The following PTPN2 variants were observed in gnomAD, a reference collection of about 807,000 sequenced individuals.
PTPN2 encodes the protein protein tyrosine phosphatase non-receptor type 2, also known as tyrosine-protein phosphatase non-receptor type 2.
PTPN2 carries 19 observed loss-of-function variants against 57.3 expected under a neutral mutation model. The ratio of observed to expected loss-of-function variants is 0.33; its 90% CI spans 0.23 to 0.49. The LOEUF (loss-of-function observed/expected upper bound fraction) is 0.49. PTPN2 is among the 20% of genes least tolerant of loss of function. The pLI is 0.99. For missense variants in PTPN2, 358 were observed against 501.1 expected (o/e 0.71, Z 2.73); for synonymous variants, 153 against 164.9 (o/e 0.93, Z 0.55).
At chr18:12,870,723 A>T (rs1049139584) in intron 1 of PTPN2, among the ~76,000 whole-genome samples, 2 of 151,282 alleles carry the variant, frequency 1.3e-5, no homozygotes, top group Admixed American at 1.3e-4. Context: ...GTTAGCCAGG[A>T]TGGTCTCGAT....
At chr18:12,866,735 G>A (rs1320167854) in intron 1 of PTPN2, among the ~76,000 whole-genome samples, 1 of 152,136 alleles carries the variant, frequency 6.6e-6, no homozygotes, top group Non-Finnish European at 1.5e-5. Context: ...TCGGCCGGGC[G>A]TGGTGGCTCA....
intron 8 of PTPN2, among the ~76,000 whole-genome samples, chr18:12,799,588 A>ATTT (rs113551012): frequency 6.9e-5 from 10 of 144,158 alleles, no homozygotes; most frequent in Admixed American, 5.6e-4. Context: ...CTTCTTTTAC[A>ATTT]TTTTTTTTTT....
intron 2 of PTPN2, among the ~76,000 whole-genome samples, chr18:12,854,414 G>A (rs558147588): frequency 1.3e-4 from 19 of 151,818 alleles, no homozygotes; most frequent in Admixed American, 7.9e-4. Context: ...CATGGAAATG[G>A]AAATTAGTAT....
chr18:12,798,264 C>T (rs973859647), intron 8 of PTPN2, among the ~76,000 whole-genome samples: 1 of 152,128 alleles, frequency 6.6e-6, no homozygotes, highest in Admixed American at 6.5e-5. Flanking sequence ...TTCAGGGGTA[C>T]GTCCATGTGC....
chr18:12,809,643 A>G (rs2041821546), intron 7 of PTPN2, among the ~76,000 whole-genome samples: 1 of 152,214 alleles, frequency 6.6e-6, no homozygotes, highest in Non-Finnish European at 1.5e-5. Flanking sequence ...GATCTAATAA[A>G]TAAGGAATAC....
chr18:12,788,628 G>C (rs2040905586), downstream of PTPN2, among the ~76,000 whole-genome samples: 1 of 151,776 alleles, frequency 6.6e-6, no homozygotes, highest in Admixed American at 6.6e-5. Context: ...TTAGAGACAA[G>C]GCCTCACAAA....
intron 9 of PTPN2, chr18:12,786,163 C>T: frequency 2.8e-6 from 1 of 355,724 alleles, no homozygotes; most frequent in Non-Finnish European, 5.1e-6. Context: ...GTGATACCGA[C>T]AGACAGACAG....
chr18:12,843,330 A>AGG (rs2043108025), intron 2 of PTPN2, among the ~76,000 whole-genome samples: 1 of 152,156 alleles, frequency 6.6e-6, no homozygotes, highest in Non-Finnish European at 1.5e-5. Flanking sequence ...TTAATACCCT[A>AGG]AGAGGGTATT....
chr18:12,814,950 G>A (rs750425063), intron 6 of PTPN2, among the ~76,000 whole-genome samples: 6 of 152,116 alleles, frequency 3.9e-5, no homozygotes, highest in Middle Eastern at 3.4e-3. Flanking sequence ...TGGGTGTGGC[G>A]GCGCATGTCT....
chr18:12,823,057 G>T (rs547268), intron 5 of PTPN2, among the ~76,000 whole-genome samples: 117,146 of 152,054 alleles, frequency 0.77, 46,020 homozygotes, highest in Middle Eastern at 0.87. Context: ...GATTCTAGAG[G>T]TTATCTACTT....
chr18:12,875,694 C>T (rs1034478091), intron 1 of PTPN2, among the ~76,000 whole-genome samples: 1 of 152,168 alleles, frequency 6.6e-6, no homozygotes, highest in Non-Finnish European at 1.5e-5. Flanking sequence ...GAAGAGCACA[C>T]TATGTTAATT....
At chr18:12,806,361 T>TA (rs2041650624) in intron 7 of PTPN2, among the ~76,000 whole-genome samples, 1 of 152,160 alleles carries the variant, frequency 6.6e-6, no homozygotes, top group Non-Finnish European at 1.5e-5. Flanking sequence ...TTAATACTGT[T>TA]AAAATGTCCA....
At position 12,871,034 on chromosome 18, in the gene PTPN2, CCTGT is replaced by C. The variant is rs990591236; in HGVS notation, c.70-11784_70-11781del. On this transcript the variant is annotated intron_variant, in intron 1 of 8. Transcript: ENST00000309660. Reference sequence around the variant, plus strand: ...TTCTATCCATATATAAGCCAGACTGCCTGTCTGTCTTCCTCCATCCAAGTATCCA... The same window carrying C: ...TTCTATCCATATATAAGCCAGACTGCCTGTCTTCCTCCATCCAAGTATCCA... 3.5e-4 allele frequency among the ~76,000 whole-genome samples: 53 copies of C among 152,176 alleles called. 1 individual carries two copies. The highest frequency in any genetic ancestry group is 4.0e-4 in the Non-Finnish European group (27 of 68,006).
At chr18:12,847,767 T>C (rs2043262817) in intron 2 of PTPN2, among the ~76,000 whole-genome samples, 1 of 151,866 alleles carries the variant, frequency 6.6e-6, no homozygotes, top group Non-Finnish European at 1.5e-5. Flanking sequence ...GGATTACAGA[T>C]GCCAGCCACC....
At chr18:12,881,421 A>G (rs1312591099) in intron 1 of PTPN2, among the ~76,000 whole-genome samples, 1 of 152,046 alleles carries the variant, frequency 6.6e-6, no homozygotes, top group Non-Finnish European at 1.5e-5. Flanking sequence ...TGGGCGACAG[A>G]GCGGGACTCT....
rs1259419252 is a variant in PTPN2, at chr18:12,794,490, G to C, written c.1041-5C>G. The C allele has an allele frequency of 6.2e-7, 1 of 1,611,452 alleles. No individual in the cohort carries two copies. Among genetic ancestry groups the C allele is most frequent in the Non-Finnish European group, 8.5e-7 (1 of 1,179,930 alleles). ...CGAATACGTTTCCGTAGAGCACTAT[G>C]AGGAAATAAAAACAAGTGAAAGGAA... On this transcript the variant is annotated splice_polypyrimidine_tract_variant and splice_region_variant and intron_variant, in intron 8 of 8. Coordinates refer to ENST00000309660, the MANE Select transcript of PTPN2 (RefSeq NM_002828.4).
chr18:12,820,123 A>C (rs1163923708), intron 5 of PTPN2, among the ~76,000 whole-genome samples: 1 of 151,160 alleles, frequency 6.6e-6, no homozygotes, highest in Non-Finnish European at 1.5e-5. Context: ...TTTGGCTCAA[A>C]ACTAGTGGTC....
intron 7 of PTPN2, among the ~76,000 whole-genome samples, chr18:12,812,929 CAA>C (rs1453474422): frequency 6.6e-6 from 1 of 151,132 alleles, no homozygotes; most frequent in Non-Finnish European, 1.5e-5. Context: ...AAAGACTCCA[CAA>C]AAAAGTGTGT....
At chr18:12,802,260 T>A (rs1452556875) in intron 7 of PTPN2, 109 bp from the exon 8 acceptor site, 1 of 882,528 alleles carries the variant, frequency 1.1e-6, no homozygotes, top group Non-Finnish European at 1.7e-6. Context: ...GAAAACCCAA[T>A]GATGCTAAAA....
Sources: gnomAD v4.1 joint callset for allele counts (sites outside exome capture counted in the v4.1 genomes callset) on GRCh38, gnomAD v4.1.1 for gene constraint, MANE v1.5 for transcripts, NCBI Gene and HGNC (gene_info 2026-07-23, HGNC 2026-07-21) for gene names.